The following GALNT13 variants were observed in gnomAD, a reference collection of about 807,000 sequenced individuals.
GALNT13 encodes polypeptide N-acetylgalactosaminyltransferase 13, also known as UDP-GalNAc:polypeptide N-acetylgalactosaminyltransferase 13.
A neutral mutation model predicts 64.2 loss-of-function variants in GALNT13; 28 were observed. The observed-to-expected ratio is 0.44, with a 90% CI of 0.32 to 0.60. The LOEUF (loss-of-function observed/expected upper bound fraction) is 0.60, where lower values mean the gene tolerates loss of function less well. Ranked by LOEUF, GALNT13 falls within the 20% of genes least tolerant of loss-of-function variation. The pLI, the probability that GALNT13 is intolerant of heterozygous loss-of-function variation, is 0.05. For synonymous variants in GALNT13, 214 were observed against 224.6 expected, an observed-to-expected ratio of 0.95 and a Z score of 0.42; for missense variants, 577 against 669.8, an observed-to-expected ratio of 0.86 and a Z score of 1.53.
At chr2:153,451,882 GGGATTCCTGGGACTGAGTGGA>G in the GALNT13 span, among the ~76,000 whole-genome samples, 1 of 152,118 alleles carries the variant, frequency 6.6e-6, no homozygotes, top group Non-Finnish European at 1.5e-5. Context: ...AGCTAGATGG[GGGATTCCTGGGACTGAGTGGA>G]GGATTCATTT....
At chr2:153,652,915 TA>T in the GALNT13 span, among the ~76,000 whole-genome samples, 23 of 152,154 alleles carry the variant, frequency 1.5e-4, no homozygotes, top group Admixed American at 1.3e-3. Flanking sequence ...TTTCTTCCTT[TA>T]AAAAAACTTA....
At chr2:154,256,270 G>A (rs1049313692) in intron 7 of GALNT13, among the ~76,000 whole-genome samples, 4 of 151,944 alleles carry the variant, frequency 2.6e-5, no homozygotes, top group African/African-American at 9.7e-5. Flanking sequence ...AAAAGCGAGA[G>A]AGATAATTGG....
At chr2:154,163,792 C>T (rs1041458286) in intron 4 of GALNT13, among the ~76,000 whole-genome samples, 7 of 152,058 alleles carry the variant, frequency 4.6e-5, no homozygotes, top group Non-Finnish European at 1.0e-4. Flanking sequence ...AAATATCTGT[C>T]GTAAACTGGG....
the GALNT13 span, among the ~76,000 whole-genome samples, chr2:153,839,084 C>T: frequency 1.3e-4 from 19 of 151,658 alleles, no homozygotes; most frequent in East Asian, 3.9e-4. Context: ...TTGTAGTGTA[C>T]GTAAATGCAA....
the GALNT13 span, among the ~76,000 whole-genome samples, chr2:153,650,016 C>T: frequency 6.6e-6 from 1 of 152,020 alleles, no homozygotes; most frequent in African/African-American, 2.4e-5. Flanking sequence ...TCCTGAATAT[C>T]CTTGTTAACT....
intron 3 of GALNT13, among the ~76,000 whole-genome samples, chr2:153,948,782 C>T (rs1691958822): frequency 6.6e-6 from 1 of 152,066 alleles, no homozygotes; most frequent in African/African-American, 2.4e-5. Flanking sequence ...CATGTTCTCA[C>T]TTATAAGTGG....
At chr2:153,825,563 G>T in the GALNT13 span, among the ~76,000 whole-genome samples, 1 of 150,952 alleles carries the variant, frequency 6.6e-6, no homozygotes, top group African/African-American at 2.4e-5. Context: ...TAGGAATGCA[G>T]GTATGACTTG....
chr2:153,520,843 G>A, the GALNT13 span, among the ~76,000 whole-genome samples: 3 of 152,042 alleles, frequency 2.0e-5, no homozygotes, highest in African/African-American at 7.2e-5. Flanking sequence ...GTAGACAAAA[G>A]TACATGAACA....
At chr2:154,287,238 C>T (rs1692320747) in intron 8 of GALNT13, 1 of 1,086,380 alleles carries the variant, frequency 9.2e-7, no homozygotes, top group Admixed American at 1.7e-5. Context: ...AAGAAGGCAG[C>T]CATCATCTTT....
At chr2:153,249,646 C>T in the GALNT13 span, among the ~76,000 whole-genome samples, 1 of 152,094 alleles carries the variant, frequency 6.6e-6, no homozygotes, top group Non-Finnish European at 1.5e-5. Flanking sequence ...TCTACAGTAA[C>T]CAAAACAGCA....
chr2:153,762,035 A>T, the GALNT13 span: 2 of 154,584 alleles, frequency 1.3e-5, no homozygotes, highest in African/African-American at 2.4e-5. Context: ...TTTTCCCCTC[A>T]AACTATCCTT....
At chr2:154,221,910 T>TAA (rs1688346473) in intron 4 of GALNT13, among the ~76,000 whole-genome samples, 1 of 152,114 alleles carries the variant, frequency 6.6e-6, no homozygotes, top group Non-Finnish European at 1.5e-5. Flanking sequence ...CACACCACTG[T>TAA]AATTCTCAAA....
the GALNT13 span, among the ~76,000 whole-genome samples, chr2:153,275,961 A>G: frequency 6.6e-6 from 1 of 152,196 alleles, no homozygotes; most frequent in Non-Finnish European, 1.5e-5. Flanking sequence ...AACACAGTTT[A>G]TTATTTTTTA....
chr2:153,693,460 G>A, the GALNT13 span, among the ~76,000 whole-genome samples: 1 of 152,028 alleles, frequency 6.6e-6, no homozygotes. Context: ...TGGGCTAAGC[G>A]GGATCTATAG....
chr2:153,792,949 TA>T, the GALNT13 span, among the ~76,000 whole-genome samples: 1 of 151,630 alleles, frequency 6.6e-6, no homozygotes, highest in East Asian at 1.9e-4. Flanking sequence ...CGTTCTGAGG[TA>T]ACATTTCTTT....
At chr2:154,320,515 G>T (rs2105160546) in intron 9 of GALNT13, among the ~76,000 whole-genome samples, 1 of 152,266 alleles carries the variant, frequency 6.6e-6, no homozygotes, top group African/African-American at 2.4e-5. Flanking sequence ...GCTACATTGT[G>T]CTCACAGAAG....
chr2:153,912,439 C>T (rs1322611067), intron 2 of GALNT13, among the ~76,000 whole-genome samples: 3 of 152,084 alleles, frequency 2.0e-5, no homozygotes, highest in African/African-American at 7.2e-5. Flanking sequence ...AACAACTCTT[C>T]TTGGAGAACT....
intron 8 of GALNT13, among the ~76,000 whole-genome samples, chr2:154,286,362 T>G (rs1459058403): frequency 1.3e-5 from 2 of 152,128 alleles, no homozygotes; most frequent in African/African-American, 4.8e-5. Flanking sequence ...CTATACCTAG[T>G]TTTTTGAGAG....
the GALNT13 span, among the ~76,000 whole-genome samples, chr2:153,784,500 A>G: frequency 6.6e-6 from 1 of 152,236 alleles, no homozygotes; most frequent in Non-Finnish European, 1.5e-5. Flanking sequence ...TCTGGGGGAT[A>G]TATTTTAAAT....
Sources: allele counts gnomAD v4.1 joint callset (sites outside exome capture counted in the v4.1 genomes callset), GRCh38; gene constraint gnomAD v4.1.1; transcripts MANE v1.5; gene names NCBI Gene and HGNC (gene_info 2026-07-23, HGNC 2026-07-21).